The following EIF5B variants were observed in gnomAD, a reference collection of about 807,000 sequenced individuals.
EIF5B encodes eIF-5B.
EIF5B carries 47 observed loss-of-function variants against 147.5 expected under a neutral mutation model. That is an observed-to-expected ratio of 0.32 (90% CI 0.25 to 0.41). The LOEUF (loss-of-function observed/expected upper bound fraction) is 0.41, where lower values mean the gene tolerates loss of function less well. EIF5B is among the 10% of genes least tolerant of loss of function. The pLI, the probability that EIF5B is intolerant of heterozygous loss-of-function variation, is 1.00. For synonymous variants in EIF5B, 455 were observed against 456.2 expected (o/e 1.00, Z 0.03); for missense variants, 1,064 against 1,413.2 (o/e 0.75, Z 3.96).
At chr2:99,384,013 A>G (rs1024951681) in intron 14 of EIF5B, among the ~76,000 whole-genome samples, 7 of 151,724 alleles carry the variant, frequency 4.6e-5, no homozygotes, top group Non-Finnish European at 7.4e-5. Context: ...ATCGAGACCA[A>G]GGTGAAACCC....
chr2:99,393,173 G>A, intron 18 of EIF5B, 75 bp downstream of exon 18: 1 of 1,312,108 alleles, frequency 7.6e-7, no homozygotes, highest in Middle Eastern at 2.4e-4. Context: ...ACATGCTAGG[G>A]ATGGTGACCA....
chr2:99,343,707 G>A (rs1297426924), intron 1 of EIF5B, among the ~76,000 whole-genome samples: 8 of 151,618 alleles, frequency 5.3e-5, no homozygotes, highest in African/African-American at 1.7e-4. Context: ...CCAGCTACTC[G>A]GGAGGCTGAG....
chr2:99,337,774 C>T (rs2094246589), intron 1 of EIF5B, among the ~76,000 whole-genome samples, 185 bp downstream of exon 1: 1 of 151,878 alleles, frequency 6.6e-6, no homozygotes, highest in African/African-American at 2.4e-5. Context: ...AGGGCCTCGA[C>T]GGCGGGCGGG....
intron 21 of EIF5B, among the ~76,000 whole-genome samples, chr2:99,395,424 A>G (rs932177603): frequency 6.6e-6 from 1 of 152,126 alleles, no homozygotes; most frequent in African/African-American, 2.4e-5. Context: ...ACCTCTGCCT[A>G]CTGGGCTCAA....
In EIF5B at chr2:99,337,497, A is replaced by G; in HGVS notation, c.-58A>G. ...CGGAGACCAAAGTCAGCCGGGAGACAGTGGGTCTGTGAGAGACCGAATAGA... is the reference window on the plus strand; with the variant it reads ...CGGAGACCAAAGTCAGCCGGGAGACGGTGGGTCTGTGAGAGACCGAATAGA... On this transcript the variant is annotated 5_prime_UTR_variant, in exon 1 of 24. Coordinates refer to ENST00000289371, the MANE Select transcript of EIF5B (RefSeq NM_015904.4). 1 of 1,592,778 alleles carries G rather than the reference A, an allele frequency of 6.3e-7. No homozygotes were observed. The highest frequency in any genetic ancestry group is 8.6e-7 in the Non-Finnish European group (1 of 1,169,464).
chr2:99,363,850 G>C lies in EIF5B; in HGVS notation c.1125G>C (p.Lys375Asn). 2 of 1,605,392 alleles carry C rather than the reference G, an allele frequency of 1.2e-6. No individual in the cohort carries two copies. The highest frequency in any genetic ancestry group is 2.3e-5 in the South Asian group (2 of 88,502). Residue 375 changes from lysine to asparagine, a missense_variant, in exon 5 of 24, where the codon AAG becomes AAC. Physicochemically the swap from Lys to Asn is moderately conservative, Grantham distance 94 (BLOSUM62 0). Coordinates refer to ENST00000289371, the MANE Select transcript of EIF5B (RefSeq NM_015904.4). Reference sequence around the variant, plus strand: ...AACGGCTTGAAGAATTAGAAGCCAAGCGTAAAGAAGAGGTATGTTTTCATG... The same window carrying C: ...AACGGCTTGAAGAATTAGAAGCCAACCGTAAAGAAGAGGTATGTTTTCATG... The part of the protein sequence containing the change: ...RIKRLEELEA[K>N]RKEEERLEQE...
At chr2:99,395,549 G>C (rs1304516941) in intron 21 of EIF5B, among the ~76,000 whole-genome samples, 1 of 152,182 alleles carries the variant, frequency 6.6e-6, no homozygotes, top group African/African-American at 2.4e-5. Context: ...TGGCCAGGCT[G>C]GTCTTGAACT....
At chr2:99,340,692 T>A (rs2094257450) in intron 1 of EIF5B, 2 of 152,244 alleles carry the variant, frequency 1.3e-5, no homozygotes, top group African/African-American at 4.8e-5. Context: ...AAGATATTTA[T>A]TCTTGTCTGT....
chr2:99,362,214 A>G (rs1414187881), intron 4 of EIF5B, among the ~76,000 whole-genome samples: 2 of 152,238 alleles, frequency 1.3e-5, no homozygotes, highest in East Asian at 3.8e-4. Flanking sequence ...TCACAAAGAA[A>G]TGTTTTCATG....
intron 22 of EIF5B, 130 bp downstream of exon 22, chr2:99,397,028 T>A (rs1675065825): frequency 5.8e-6 from 6 of 1,039,734 alleles, no homozygotes; most frequent in Non-Finnish European, 7.8e-6. Flanking sequence ...GTCTCCACCT[T>A]CTTAACAAAT....
rs1675176592 is a variant in EIF5B at position 99,400,044 on chromosome 2, T to TAA, written c.*632_*633dup. On this transcript the variant is annotated 3_prime_UTR_variant, in exon 24 of 24. Transcript: ENST00000289371. ...TCACAATTCTAAACCAAACTACCAA[T>TAA]AAAGAAAACAGACATCCACCAGTAA... 1 of 152,262 alleles carries TAA rather than the reference T, an allele frequency of 6.6e-6. No homozygotes were observed. The highest frequency in any genetic ancestry group is 6.5e-5 in the Admixed American group (1 of 15,278). The allele number at this position is 152,262 out of a possible 1,614,324, so 9.4% of individuals were successfully genotyped here. A position where few individuals can be genotyped will look rare whatever the true frequency, so the allele number is the denominator to read the frequency against.
At chr2:99,344,284 C>T (rs1056760222) in intron 1 of EIF5B, among the ~76,000 whole-genome samples, 1 of 152,118 alleles carries the variant, frequency 6.6e-6, no homozygotes, top group Non-Finnish European at 1.5e-5. Context: ...AGATTTCTTT[C>T]CCTATTGAAA....
intron 1 of EIF5B, 79 bp downstream of exon 1, chr2:99,337,668 G>C: frequency 6.6e-7 from 1 of 1,512,774 alleles, no homozygotes; most frequent in South Asian, 1.3e-5. Context: ...CGCGGCGTCG[G>C]ACCGGGGTCT....
At chr2:99,357,578 T>G (rs1472460573) in intron 1 of EIF5B, among the ~76,000 whole-genome samples, 1 of 152,210 alleles carries the variant, frequency 6.6e-6, no homozygotes, top group Non-Finnish European at 1.5e-5. Flanking sequence ...CTATACTTTG[T>G]TATCCTAGAG....
At chr2:99,372,866 C>T (rs565799343) in intron 9 of EIF5B, among the ~76,000 whole-genome samples, 1 of 152,186 alleles carries the variant, frequency 6.6e-6, no homozygotes, top group Non-Finnish European at 1.5e-5. Context: ...TCATTTTGTT[C>T]AAGTCTTTCA....
intron 1 of EIF5B, among the ~76,000 whole-genome samples, chr2:99,344,523 G>A (rs774503817): frequency 6.6e-6 from 1 of 151,402 alleles, no homozygotes; most frequent in African/African-American, 2.4e-5. Flanking sequence ...TGCAACCTCC[G>A]TCTCCTGGGT....
intron 22 of EIF5B, 89 bp downstream of exon 22, chr2:99,396,987 G>A (rs1291718037): frequency 2.7e-6 from 4 of 1,457,486 alleles, no homozygotes; most frequent in Non-Finnish European, 3.7e-6. Context: ...TGTGCCTGTA[G>A]TTCACAGTAC....
intron 8 of EIF5B, among the ~76,000 whole-genome samples, chr2:99,369,769 G>A (rs1177574168): frequency 6.6e-6 from 1 of 152,184 alleles, no homozygotes; most frequent in Non-Finnish European, 1.5e-5. Flanking sequence ...GAGATCAGAA[G>A]ATCAAGACCA....
chr2:99,339,093 C>A (rs984930667), intron 1 of EIF5B, among the ~76,000 whole-genome samples: 47 of 149,954 alleles, frequency 3.1e-4, no homozygotes, highest in African/African-American at 1.1e-3. Flanking sequence ...CGGCTCACTG[C>A]AACCTCCACC....
Sources: allele counts gnomAD v4.1 joint callset (sites outside exome capture counted in the v4.1 genomes callset), GRCh38; gene constraint gnomAD v4.1.1; transcripts MANE v1.5; gene names NCBI Gene and HGNC (gene_info 2026-07-23, HGNC 2026-07-21).